The following RPS6KA2 variants were observed in gnomAD, a reference collection of about 807,000 sequenced individuals.
RPS6KA2 encodes ribosomal protein S6 kinase A2.
In RPS6KA2, 42 loss-of-function variants were observed where a neutral mutation model predicts 91.8. The ratio of observed to expected loss-of-function variants is 0.46; its 90% CI spans 0.36 to 0.59. RPS6KA2 has a LOEUF of 0.59. Ranked by LOEUF, RPS6KA2 falls within the 20% of genes least tolerant of loss-of-function variation. The pLI is 0.00. For synonymous variants in RPS6KA2, 414 were observed against 393.6 expected (o/e 1.05, Z -0.61); for missense variants, 798 against 978.5 (o/e 0.82, Z 2.46).
chr6:166,651,770 A>G (rs913009114), intron 2 of RPS6KA2, among the ~76,000 whole-genome samples: 1 of 152,276 alleles, frequency 6.6e-6, no homozygotes, highest in Non-Finnish European at 1.5e-5. Flanking sequence ...ATACAACACC[A>G]TCAACTCTTC....
At chr6:166,461,987 T>G (rs1330115896) in intron 11 of RPS6KA2, among the ~76,000 whole-genome samples, 2 of 152,236 alleles carry the variant, frequency 1.3e-5, no homozygotes, top group African/African-American at 4.8e-5. Context: ...CTGCCACACC[T>G]GTGTGACCGC....
intron 2 of RPS6KA2, among the ~76,000 whole-genome samples, chr6:166,692,619 A>C (rs2128571716): frequency 6.6e-6 from 1 of 152,364 alleles, no homozygotes; most frequent in South Asian, 2.1e-4. Context: ...CATATTAAGT[A>C]AAATATTAAG....
intron 17 of RPS6KA2, 129 bp from the exon 18 acceptor site, chr6:166,420,087 G>T (rs945981557): frequency 1.1e-5 from 9 of 792,792 alleles, no homozygotes; most frequent in Non-Finnish European, 1.7e-5. Flanking sequence ...TGTCTTCGGT[G>T]TGACCACTGT....
intron 2 of RPS6KA2, among the ~76,000 whole-genome samples, chr6:166,777,414 G>A (rs1425730709): frequency 6.6e-6 from 1 of 152,102 alleles, no homozygotes; most frequent in Non-Finnish European, 1.5e-5. Flanking sequence ...ACCTGAAACT[G>A]AGCCACGGGG....
intron 1 of RPS6KA2, among the ~76,000 whole-genome samples, chr6:166,622,181 A>C (rs1786663460): frequency 6.6e-6 from 1 of 152,176 alleles, no homozygotes; most frequent in African/African-American, 2.4e-5. Context: ...AAGGGGCAAA[A>C]TCTCACTACG....
intron 2 of RPS6KA2, among the ~76,000 whole-genome samples, chr6:166,716,136 A>C (rs1278106287): frequency 6.6e-6 from 1 of 152,130 alleles, no homozygotes; most frequent in Non-Finnish European, 1.5e-5. Flanking sequence ...GACTTGAAGC[A>C]AAATGACATA....
In RPS6KA2 at chr6:166,554,031, G is replaced by A. The variant is rs1236785775; in HGVS notation, c.100-15247C>T. Among the ~76,000 whole-genome samples, 3 of 152,164 alleles carry A rather than the reference G, an allele frequency of 2.0e-5. No homozygotes were observed. Among genetic ancestry groups the A allele is most frequent in the Non-Finnish European group, 4.4e-5 (3 of 68,018 alleles). On this transcript the variant is annotated intron_variant, in intron 1 of 20. Transcript: ENST00000265678. The surrounding 1 kb of genome is among the most constrained non-coding windows in gnomAD (Gnocchi z 4.3). ...ACCTACAGGCTACCCCGAGGCAGTGGCTGGAAACTGCACCAAACCCTGTGT... is the reference window on the plus strand; with the variant it reads ...ACCTACAGGCTACCCCGAGGCAGTGACTGGAAACTGCACCAAACCCTGTGT...
intron 2 of RPS6KA2, among the ~76,000 whole-genome samples, chr6:166,664,403 G>A (rs955769678): frequency 8.5e-5 from 13 of 152,200 alleles, no homozygotes; most frequent in African/African-American, 2.4e-4. Flanking sequence ...TTTAAGAGGC[G>A]CATTTTCTTG....
chr6:166,775,785 G>A (rs1006741969), intron 2 of RPS6KA2, among the ~76,000 whole-genome samples: 8 of 152,236 alleles, frequency 5.3e-5, no homozygotes, highest in Admixed American at 1.3e-4. Context: ...CGATGCTGTC[G>A]ACCCACATGC....
rs540441842 is a variant in RPS6KA2 at position 166,616,176 on chromosome 6, A to G, written c.99+10745T>C. ...CCCCCAGCACTCTGGAGTTTCATTT[A>G]TTACGGGTCAGACCCTGTAAGGCAG... On this transcript the variant is annotated intron_variant, in intron 1 of 20. Transcript: ENST00000265678. 2.0e-3 allele frequency among the ~76,000 whole-genome samples: 312 copies of G among 152,258 alleles called. 3 individuals are homozygous for G. The highest frequency in any genetic ancestry group is 3.5e-3 in the Non-Finnish European group (236 of 68,014).
rs562823095 is a variant in RPS6KA2, at chr6:166,517,425, G to A, written c.299-7068C>T. ...CTTGACAGCATGGCCCACCCAGGGC[G>A]GAAAACCACTTAAGGCGTTCTTTTG... On this transcript the variant is annotated intron_variant, in intron 3 of 20. Transcript: ENST00000265678. Among the ~76,000 whole-genome samples the A allele has an allele frequency of 1.5e-3, 229 of 151,024 alleles. 1 individual carries two copies. The highest frequency in any genetic ancestry group is 6.9e-3 in the Middle Eastern group (2 of 290).
intron 2 of RPS6KA2, among the ~76,000 whole-genome samples, chr6:166,799,805 T>G (rs1562446387): frequency 6.6e-6 from 1 of 152,170 alleles, no homozygotes; most frequent in Non-Finnish European, 1.5e-5. Flanking sequence ...GGTGTTTGGT[T>G]CCATGGATAA....
At chr6:166,585,456 T>C (rs1220557804) in intron 1 of RPS6KA2, among the ~76,000 whole-genome samples, 3 of 151,906 alleles carry the variant, frequency 2.0e-5, no homozygotes, top group Non-Finnish European at 4.4e-5. Context: ...GGCTGATCTT[T>C]TAAGGTTAAA....
At chr6:166,861,491 G>A (rs1781045528) in intron 1 of RPS6KA2, among the ~76,000 whole-genome samples, 1 of 152,190 alleles carries the variant, frequency 6.6e-6, no homozygotes, top group Non-Finnish European at 1.5e-5. Flanking sequence ...AGGGAAGCAT[G>A]GAGTGAAAAA....
At chr6:166,613,841 C>A (rs1050539762) in intron 1 of RPS6KA2, among the ~76,000 whole-genome samples, 2 of 150,756 alleles carry the variant, frequency 1.3e-5, no homozygotes, top group African/African-American at 2.5e-5. Context: ...GGGCTTTCCA[C>A]GGCCTTCAGG....
rs1275636760 is a variant in RPS6KA2 at position 166,639,403 on chromosome 6, G to A, written c.124-100619C>T. 2.0e-5 allele frequency among the ~76,000 whole-genome samples: 3 copies of A among 151,960 alleles called. No homozygotes were observed. The highest frequency in any genetic ancestry group is 4.4e-5 in the Non-Finnish European group (3 of 67,994). On this transcript the variant is annotated intron_variant, in intron 2 of 21. Transcript: ENST00000503859. The surrounding 1 kb of genome is among the most constrained non-coding windows in gnomAD (Gnocchi z 4.2). Reference sequence around the variant, plus strand: ...CATAACACAGCGTGGGTCCTCCTTAGCTCTTGCCAGAAAATAGTAATTACT... The same window carrying A: ...CATAACACAGCGTGGGTCCTCCTTAACTCTTGCCAGAAAATAGTAATTACT...
chr6:166,431,933 G>A (rs548086606), intron 15 of RPS6KA2, among the ~76,000 whole-genome samples: 25 of 152,190 alleles, frequency 1.6e-4, no homozygotes, highest in Non-Finnish European at 3.1e-4. Flanking sequence ...CGGCCTGTTC[G>A]GGCTATTCTT....
In RPS6KA2 at chr6:166,451,692, C is replaced by G. The variant is rs561377495; in HGVS notation, c.1076-459G>C. Among the ~76,000 whole-genome samples the G allele has an allele frequency of 3.3e-5, 5 of 152,326 alleles. No homozygotes were observed. The South Asian group carries it at 1.0e-3, about 32-fold the overall frequency. ...GGTTCGACAGGTCCCACCCCTGTGC[C>G]CACAGCTGCATAACTGCATGTGTGC... On this transcript the variant is annotated intron_variant, in intron 12 of 20. Transcript: ENST00000265678.
At chr6:166,682,611 T>C (rs1406547353) in intron 2 of RPS6KA2, among the ~76,000 whole-genome samples, 1 of 152,134 alleles carries the variant, frequency 6.6e-6, no homozygotes, top group African/African-American at 2.4e-5. Context: ...AGCTGTCGAA[T>C]AAGTGGAATC....
Sources: gnomAD v4.1 joint callset for allele counts (sites outside exome capture counted in the v4.1 genomes callset) on GRCh38, gnomAD v4.1.1 for gene constraint, Gnocchi (gnomAD v3.1) non-coding constraint, MANE v1.5 for transcripts, NCBI Gene and HGNC (gene_info 2026-07-23, HGNC 2026-07-21) for gene names.